POMT1: variants seen among roughly 807,000 people sequenced by gnomAD.
POMT1 encodes protein O-mannosyl-transferase 1.
A neutral mutation model predicts 101.6 loss-of-function variants in POMT1; 85 were observed. That is an observed-to-expected ratio of 0.84 (90% CI 0.70 to 1.00). The LOEUF is 1.00. POMT1 is among the 50% of genes least tolerant of loss of function. POMT1 has a pLI of 0.00. For missense variants in POMT1, 857 were observed against 930.4 expected (o/e 0.92, Z 1.03); for synonymous variants, 371 against 383.0 (o/e 0.97, Z 0.37).
At chr9:131,505,113 C>T (rs1588325124) in intron 2 of POMT1, among the ~76,000 whole-genome samples, 1 of 151,396 alleles carries the variant, frequency 6.6e-6, no homozygotes, top group African/African-American at 2.4e-5. Context: ...TTATGGAAAA[C>T]GTCAAACATA....
Position 131,509,728 on chromosome 9 carries a change from T to C in POMT1, c.540-15T>C. ...TGAACTATTTCTGTCTCCATCTGCT[T>C]TGTTTTTATTCCAGCCCTTTTTCTC... is the stretch of plus-strand genomic sequence containing the variant. On this transcript the variant is annotated splice_polypyrimidine_tract_variant and intron_variant, in intron 6 of 19. Transcript: ENST00000402686. 6.2e-7 allele frequency: 1 copy of C among 1,614,218 alleles called. No individual in the cohort carries two copies. The highest frequency in any genetic ancestry group is 8.5e-7 in the Non-Finnish European group (1 of 1,180,038).
At chr9:131,514,914 C>T (rs1947967577) in intron 12 of POMT1, among the ~76,000 whole-genome samples, 1 of 152,166 alleles carries the variant, frequency 6.6e-6, no homozygotes, top group Non-Finnish European at 1.5e-5. Flanking sequence ...TGAGATCGCG[C>T]CATTTGCACT....
chr9:131,510,889 T>G (rs1946978163), intron 9 of POMT1: 1 of 312,844 alleles, frequency 3.2e-6, no homozygotes, highest in South Asian at 3.0e-5. Context: ...TGACCTTCAT[T>G]CCTATGAACC....
Position 131,518,501 on chromosome 9 carries a change from C to T in POMT1, c.1329C>T (p.Val443=). The T allele has an allele frequency of 1.2e-6, 2 of 1,613,910 alleles. No homozygotes were observed. Among genetic ancestry groups the T allele is most frequent in the African/African-American group, 2.7e-5 (2 of 75,048 alleles). Residue 443 remains valine, a synonymous_variant, in exon 14 of 20, where the codon GTC becomes GTT. Coordinates refer to ENST00000402686, the MANE Select transcript of POMT1 (RefSeq NM_001077365.2). ...TDVWKTILSE[V]RFVHVNTSAV... ...TCTGGAAGACCATCCTCTCAGAGGT[C>T]CGCTTTGTGCACGTGAACACTTCCG...
chr9:131,518,151 G>A (rs1267487811), intron 13 of POMT1: 4 of 450,906 alleles, frequency 8.9e-6, no homozygotes, highest in Non-Finnish European at 1.7e-5. Flanking sequence ...CCTATGAATA[G>A]GCTTTGCAGA....
intron 18 of POMT1, 130 bp downstream of exon 18, chr9:131,521,602 T>C: frequency 1.7e-6 from 2 of 1,150,970 alleles, no homozygotes; most frequent in South Asian, 2.6e-5. Flanking sequence ...AGTGCTAGGA[T>C]TACAGGTGTG....
chr9:131,520,768 A>G (rs1198744127), intron 17 of POMT1, among the ~76,000 whole-genome samples: 1 of 152,214 alleles, frequency 6.6e-6, no homozygotes, highest in African/African-American at 2.4e-5. Flanking sequence ...TGCTGTTACA[A>G]AGTGGAGTCA....
intron 8 of POMT1, 118 bp from the exon 9 acceptor site, chr9:131,510,142 G>T: frequency 1.2e-6 from 2 of 1,609,890 alleles, no homozygotes; most frequent in South Asian, 1.1e-5. Context: ...GCCTCTGCAG[G>T]TGCCTCTGTA....
intron 13 of POMT1, among the ~76,000 whole-genome samples, chr9:131,515,786 A>AGC (rs1948276667): frequency 5.7e-5 from 1 of 17,652 alleles, no homozygotes; most frequent in Non-Finnish European, 1.8e-4. Context: ...CACTTCCTGT[A>AGC]ACACAGGACA....
At chr9:131,518,226 G>T in intron 13 of POMT1, 1 of 662,230 alleles carries the variant, frequency 1.5e-6, no homozygotes, top group Non-Finnish European at 2.8e-6. Flanking sequence ...CCTTGGCGAG[G>T]AGGAGGGTGC....
intron 13 of POMT1, among the ~76,000 whole-genome samples, chr9:131,517,667 C>T (rs981340660): frequency 3.4e-4 from 51 of 152,214 alleles, no homozygotes; most frequent in African/African-American, 1.1e-3. Flanking sequence ...GCATTTCCAT[C>T]CCCGCCCCCC....
rs1220312241 is a variant in POMT1 at position 131,515,429 on chromosome 9, T to C, written c.1179T>C (p.His393=). The part of the protein sequence containing the change: ...HGMTTRSLNT[H]DVAAPLSPHS... ...AATCTCGGTCTTGGTTTTCCAGGCA[T>C]GATGTTGCAGCCCCCCTGAGCCCCC... Residue 393 remains histidine, a synonymous_variant, in exon 13 of 20, where the codon CAT becomes CAC. Coordinates refer to ENST00000402686, the MANE Select transcript of POMT1 (RefSeq NM_001077365.2). The C allele has an allele frequency of 5.0e-6, 8 of 1,614,092 alleles. No homozygotes were observed. The highest frequency in any genetic ancestry group is 6.8e-6 in the Non-Finnish European group (8 of 1,180,032).
chr9:131,517,671 G>A (rs1326879084), intron 13 of POMT1, among the ~76,000 whole-genome samples: 2 of 151,710 alleles, frequency 1.3e-5, no homozygotes, highest in Admixed American at 1.3e-4. Flanking sequence ...TTCCATCCCC[G>A]CCCCCCCACA....
chr9:131,509,429 G>A (rs1015303018), intron 6 of POMT1, among the ~76,000 whole-genome samples: 1 of 152,212 alleles, frequency 6.6e-6, no homozygotes, highest in African/African-American at 2.4e-5. Context: ...GGGATTACAG[G>A]TGTGAGCCTC....
At chr9:131,510,969 C>T (rs546665198) in intron 9 of POMT1, 54 of 276,550 alleles carry the variant, frequency 2.0e-4, no homozygotes, top group Non-Finnish European at 3.0e-4. Flanking sequence ...CCAAGCCTGC[C>T]GACGGCCAGT....
chr9:131,510,559 G>A (rs1946900397), intron 9 of POMT1, 144 bp downstream of exon 9: 5 of 1,144,352 alleles, frequency 4.4e-6, no homozygotes, highest in African/African-American at 1.5e-5. Flanking sequence ...TTGGTGGGGG[G>A]GATGGAGTCT....
intron 18 of POMT1, 146 bp downstream of exon 18, chr9:131,521,618 A>G (rs1588496524): frequency 1.9e-6 from 2 of 1,032,150 alleles, no homozygotes; most frequent in East Asian, 2.6e-5. Flanking sequence ...GTGTGCGCTG[A>G]GCATTCACCG....
At chr9:131,510,027 C>G in intron 8 of POMT1, 31 bp downstream of exon 8, 1 of 1,614,184 alleles carries the variant, frequency 6.2e-7, no homozygotes, top group Non-Finnish European at 8.5e-7. Flanking sequence ...CTGCATGAGG[C>G]CGGCCTGTAT....
chr9:131,508,819 C>T (rs1588363590), intron 5 of POMT1, 92 bp from the exon 6 acceptor site: 1 of 884,272 alleles, frequency 1.1e-6, no homozygotes, highest in Non-Finnish European at 1.9e-6. Flanking sequence ...TGTATCGCTT[C>T]TGAAGTAATG....
Sources: allele counts gnomAD v4.1 joint callset (sites outside exome capture counted in the v4.1 genomes callset), GRCh38; gene constraint gnomAD v4.1.1; transcripts MANE v1.5; gene names NCBI Gene and HGNC (gene_info 2026-07-23, HGNC 2026-07-21).